The following ROBO2 variants were observed in gnomAD, a reference collection of about 807,000 sequenced individuals.
The protein encoded by ROBO2 is roundabout homolog 2.
A neutral mutation model predicts 160.8 loss-of-function variants in ROBO2; 53 were observed. That is an observed-to-expected ratio of 0.33 (90% CI 0.26 to 0.41). The LOEUF is 0.41. ROBO2 is among the 10% of genes least tolerant of loss of function. ROBO2 has a pLI of 1.00. For missense variants in ROBO2, 1,577 were observed against 1,722.4 expected (o/e 0.92, Z 1.49); for synonymous variants, 664 against 611.7 (o/e 1.09, Z -1.26).
At chr3:77,013,931 A>G (rs2062067543) in intron 2 of ROBO2, among the ~76,000 whole-genome samples, 1 of 152,138 alleles carries the variant, frequency 6.6e-6, no homozygotes, top group Non-Finnish European at 1.5e-5. Flanking sequence ...AGTTGTGTGG[A>G]ATCTCATTTT....
chr3:76,074,493 CCT>C (rs2068578324), intron 2 of ROBO2, among the ~76,000 whole-genome samples: 1 of 152,132 alleles, frequency 6.6e-6, no homozygotes, highest in African/African-American at 2.4e-5. Flanking sequence ...GAATTTCTTC[CCT>C]TCTTAGAGGA....
At chr3:76,754,002 T>G (rs2108277098) in intron 2 of ROBO2, among the ~76,000 whole-genome samples, 1 of 152,000 alleles carries the variant, frequency 6.6e-6, no homozygotes, top group Non-Finnish European at 1.5e-5. Context: ...TCAGTGAAAA[T>G]AATACTACCT....
intron 2 of ROBO2, among the ~76,000 whole-genome samples, chr3:77,335,224 T>C (rs931799447): frequency 6.6e-6 from 1 of 152,126 alleles, no homozygotes; most frequent in Non-Finnish European, 1.5e-5. Context: ...CTGATCAACA[T>C]GGTGAAACCT....
intron 2 of ROBO2, among the ~76,000 whole-genome samples, chr3:77,411,779 G>A (rs531253118): frequency 6.6e-6 from 1 of 152,286 alleles, no homozygotes; most frequent in East Asian, 1.9e-4. Context: ...TTTATGGGGA[G>A]GAGAACTGGA....
At position 77,269,116 on chromosome 3, in the gene ROBO2, A is replaced by AT. The variant is rs201503966; in HGVS notation, c.388+170785dup. Among the ~76,000 whole-genome samples, 8 of 106,610 alleles carry AT rather than the reference A, an allele frequency of 7.5e-5. No homozygotes were observed. In the East Asian group the frequency reaches 1.5e-3, roughly 20 times the overall value. The allele number at this position is 106,610 out of a possible 152,430, so 69.9% of individuals were successfully genotyped here. A position where few individuals can be genotyped will look rare whatever the true frequency, so the allele number is the denominator to read the frequency against. Reference sequence around the variant, plus strand: ...GTTGGTATAAAAAATAGGTTTCATAATTTTTTTTTCCTAATGCATAATTTC... The same window carrying AT: ...GTTGGTATAAAAAATAGGTTTCATAATTTTTTTTTTCCTAATGCATAATTTC... On this transcript the variant is annotated intron_variant, in intron 2 of 25. Coordinates refer to ENST00000461745, the Ensembl canonical transcript of ROBO2.
intron 1 of ROBO2, among the ~76,000 whole-genome samples, chr3:77,057,263 A>T (rs1266068753): frequency 2.0e-5 from 3 of 152,150 alleles, no homozygotes; most frequent in Admixed American, 1.3e-4. Context: ...CTGAACAATG[A>T]GAACACTTGG....
chr3:77,252,831 A>AATATATATATATATATATATATAT lies in ROBO2; in HGVS notation c.388+154511_388+154512insATATATATATATATATATATATAT, dbSNP rs1553872376. ...TCAAAAAAAAAAAAAAAAAAAAAAA[A>AATATATATATATATATATATATAT]ATATATATATATATATATATGAAAA... On this transcript the variant is annotated intron_variant, in intron 2 of 25. Coordinates refer to ENST00000461745, the Ensembl canonical transcript of ROBO2. 7.3e-3 allele frequency among the ~76,000 whole-genome samples: 91 copies of AATATATATATATATATATATATAT among 12,440 alleles called. 2 individuals are homozygous for AATATATATATATATATATATATAT. The highest frequency in any genetic ancestry group is 0.013 in the Non-Finnish European group (62 of 4,600). The allele number at this position is 12,440 out of a possible 152,430, so 8.2% of individuals were successfully genotyped here. A position where few individuals can be genotyped will look rare whatever the true frequency, so the allele number is the denominator to read the frequency against.
exon 24 of ROBO2, chr3:77,634,892 A>G (rs760465782): frequency 2.5e-6 from 4 of 1,614,072 alleles, no homozygotes; most frequent in Admixed American, 1.7e-5. Context: ...CCTCCTCTCA[A>G]AGACCTCGAC....
chr3:77,387,257 C>A (rs982312552), intron 2 of ROBO2, among the ~76,000 whole-genome samples: 2 of 149,196 alleles, frequency 1.3e-5, no homozygotes, highest in African/African-American at 2.5e-5. Context: ...AATCCTCACA[C>A]TTTGGGAAGC....
At chr3:77,398,679 T>A (rs1199626843) in intron 2 of ROBO2, among the ~76,000 whole-genome samples, 1 of 152,042 alleles carries the variant, frequency 6.6e-6, no homozygotes, top group African/African-American at 2.4e-5. Context: ...TTTCCTGGGC[T>A]CAAGTGATCC....
At chr3:77,615,801 C>A (rs9309777) in intron 21 of ROBO2, among the ~76,000 whole-genome samples, 1 of 152,090 alleles carries the variant, frequency 6.6e-6, no homozygotes, top group Admixed American at 6.6e-5. Flanking sequence ...AAAATATACA[C>A]GTTCAAGTTT....
chr3:75,916,379 T>TA (rs1946807783), intron 1 of ROBO2, among the ~76,000 whole-genome samples: 1 of 152,158 alleles, frequency 6.6e-6, no homozygotes, highest in Admixed American at 6.5e-5. Context: ...GGATCACTAT[T>TA]ATTTGCTGTA....
chr3:77,554,726 C>A (rs1438302617), intron 8 of ROBO2, among the ~76,000 whole-genome samples: 1 of 151,868 alleles, frequency 6.6e-6, no homozygotes, highest in Non-Finnish European at 1.5e-5. Flanking sequence ...TCACATGATA[C>A]AAATTGAACA....
At chr3:76,657,709 TG>T (rs1560319561) in intron 2 of ROBO2, among the ~76,000 whole-genome samples, 36 of 117,772 alleles carry the variant, frequency 3.1e-4, no homozygotes, top group African/African-American at 1.2e-3. Context: ...TTCATATATG[TG>T]TGTATATATA....
chr3:77,213,717 G>A (rs1296933366), intron 2 of ROBO2, among the ~76,000 whole-genome samples: 1 of 151,882 alleles, frequency 6.6e-6, no homozygotes, highest in Non-Finnish European at 1.5e-5. Context: ...TGGGCATTTA[G>A]TGCTATAAAT....
chr3:77,262,290 T>C (rs947749416), intron 2 of ROBO2, among the ~76,000 whole-genome samples: 1 of 152,148 alleles, frequency 6.6e-6, no homozygotes, highest in Non-Finnish European at 1.5e-5. Context: ...TTGTCTTTGT[T>C]TGGAAATCTG....
At chr3:77,590,323 C>T (rs560373621) in intron 17 of ROBO2, among the ~76,000 whole-genome samples, 5 of 152,258 alleles carry the variant, frequency 3.3e-5, no homozygotes, top group Admixed American at 1.3e-4. Context: ...ATTTGTCACC[C>T]AAGTGCTATA....
intron 2 of ROBO2, among the ~76,000 whole-genome samples, chr3:76,601,127 G>A (rs1459065712): frequency 1.3e-5 from 2 of 152,176 alleles, no homozygotes; most frequent in Non-Finnish European, 2.9e-5. Context: ...TGCAAGAGGT[G>A]GGTTCCCATG....
At chr3:77,352,223 C>CT (rs66651413) in intron 2 of ROBO2, among the ~76,000 whole-genome samples, 8 of 136,878 alleles carry the variant, frequency 5.8e-5, no homozygotes, top group Admixed American at 7.8e-5. Flanking sequence ...TATGCTCTCT[C>CT]TTTTTTTTTC....
Sources: allele counts gnomAD v4.1 joint callset (sites outside exome capture counted in the v4.1 genomes callset), GRCh38; gene constraint gnomAD v4.1.1; transcripts MANE v1.5; gene names NCBI Gene and HGNC (gene_info 2026-07-23, HGNC 2026-07-21).